BBS5: variants seen among roughly 807,000 people sequenced by gnomAD.
BBS5 encodes Bardet-Biedl syndrome 5.
In BBS5, 39 loss-of-function variants were observed where a neutral mutation model predicts 50.2. That is an observed-to-expected ratio of 0.78 (90% CI 0.60 to 1.01). The LOEUF (loss-of-function observed/expected upper bound fraction) is 1.01. Ranked by LOEUF, BBS5 falls within the 50% of genes least tolerant of loss-of-function variation. BBS5 has a pLI of 0.00. For missense variants in BBS5, 356 were observed against 401.5 expected (o/e 0.89, Z 0.97); for synonymous variants, 134 against 133.1 (o/e 1.01, Z -0.05).
intron 7 of BBS5, among the ~76,000 whole-genome samples, chr2:169,494,372 G>T (rs774836370): frequency 1.3e-3 from 191 of 152,220 alleles, no homozygotes; most frequent in Non-Finnish European, 1.9e-3. Context: ...TTAGTGAAAG[G>T]AATCAAGATG....
Position 169,495,428 on chromosome 2 carries a change from G to A in BBS5, c.618+1592G>A, listed in dbSNP as rs73971620. On this transcript the variant is annotated intron_variant, in intron 7 of 11. Transcript: ENST00000295240. ...TAAGAATAGAGTTGTCAAATATGGC[G>A]TCTGGAATTAATTCAAGTGGCCCAA... Among the ~76,000 whole-genome samples the A allele has an allele frequency of 5.4e-4, 82 of 152,248 alleles. No individual in the cohort carries two copies. The East Asian group carries it at 0.014, about 26-fold the overall frequency.
intron 2 of BBS5, among the ~76,000 whole-genome samples, chr2:169,483,699 T>C (rs2105292426): frequency 6.6e-6 from 1 of 152,296 alleles, no homozygotes; most frequent in South Asian, 2.1e-4. Flanking sequence ...GCCTGCTGCC[T>C]ACTTGCCACC....
At chr2:169,499,397 A>G in intron 8 of BBS5, 89 bp from the exon 9 acceptor site, 1 of 1,351,594 alleles carries the variant, frequency 7.4e-7, no homozygotes, top group Admixed American at 2.1e-5. Flanking sequence ...GCTCTAAAAT[A>G]AGGACAAATT....
chr2:169,482,186 C>T, intron 1 of BBS5, 65 bp from the exon 2 acceptor site: 4 of 984,916 alleles, frequency 4.1e-6, no homozygotes, highest in East Asian at 2.4e-5. Context: ...TCTCTTTTCT[C>T]CCTAAATAGA....
chr2:169,481,676 T>G (rs1393292100), intron 1 of BBS5, among the ~76,000 whole-genome samples: 2 of 152,182 alleles, frequency 1.3e-5, no homozygotes, highest in African/African-American at 4.8e-5. Flanking sequence ...AAGCTGCTCT[T>G]ATTTCCTTTT....
Position 169,480,670 on chromosome 2 carries a change from C to CTTTTTTTTTTTTTTTTTTTTTTTTTTTT in BBS5, c.59+1059_59+1086dup, listed in dbSNP as rs577688589. ...ACTTTCTATGACATTTTCTGTCATT[C>CTTTTTTTTTTTTTTTTTTTTTTTTTTTT]TTTTTTTTTTTTTTTTTTTTTTTTT... On this transcript the variant is annotated intron_variant, in intron 1 of 11. Transcript: ENST00000295240. Among the ~76,000 whole-genome samples, 2 of 73,168 alleles carry CTTTTTTTTTTTTTTTTTTTTTTTTTTTT rather than the reference C, an allele frequency of 2.7e-5. 1 individual carries two copies. Among genetic ancestry groups the CTTTTTTTTTTTTTTTTTTTTTTTTTTTT allele is most frequent in the Non-Finnish European group, 4.8e-5 (2 of 41,404 alleles). 48.0% of individuals were successfully genotyped at this position (73,168 alleles called of 152,430 possible). A position where few individuals can be genotyped will look rare whatever the true frequency, so the allele number is the denominator to read the frequency against.
chr2:169,487,776 C>T, intron 3 of BBS5, 30 bp from the exon 4 acceptor site: 1 of 1,548,824 alleles, frequency 6.5e-7, no homozygotes, highest in Non-Finnish European at 8.9e-7. Context: ...CCATATCATG[C>T]TCTTTACATT....
chr2:169,493,707 G>T lies in BBS5; in HGVS notation c.523-34G>T, dbSNP rs1426181666. The T allele has an allele frequency of 2.1e-6, 3 of 1,412,936 alleles. No individual in the cohort carries two copies. The African/African-American group carries it at 4.2e-5, about 20-fold the overall frequency. 87.5% of individuals were successfully genotyped at this position (1,412,936 alleles called of 1,614,324 possible). A position where few individuals can be genotyped will look rare whatever the true frequency, so the allele number is the denominator to read the frequency against. ...AATAAAGAATAGGTACCAAAAAAAT[G>T]ATCATTTCGGTATCTCATTACTGTT... On this transcript the variant is annotated intron_variant, in intron 6 of 11. Transcript: ENST00000295240.
chr2:169,498,448 A>G (rs1172509542), intron 8 of BBS5, among the ~76,000 whole-genome samples: 1 of 152,194 alleles, frequency 6.6e-6, no homozygotes, highest in Non-Finnish European at 1.5e-5. Context: ...GAACTATACC[A>G]AATGTCATAT....
Position 169,506,630 on chromosome 2 carries a change from T to C in BBS5, c.*2048T>C, listed in dbSNP as rs1179463573. The C allele has an allele frequency of 6.6e-6, 1 of 152,214 alleles. No individual in the cohort carries two copies. The highest frequency in any genetic ancestry group is 1.5e-5 in the Non-Finnish European group (1 of 68,064). 9.4% of individuals were successfully genotyped at this position (152,214 alleles called of 1,614,324 possible). A position where few individuals can be genotyped will look rare whatever the true frequency, so the allele number is the denominator to read the frequency against. On this transcript the variant is annotated 3_prime_UTR_variant, in exon 12 of 12. Coordinates refer to ENST00000295240, the MANE Select transcript of BBS5 (RefSeq NM_152384.3). Reference sequence around the variant, plus strand: ...CATTAAGTGACTGTATCATGTTCGGTTTAATAAAGAATTTATGCAGCACCA... The same window carrying C: ...CATTAAGTGACTGTATCATGTTCGGCTTAATAAAGAATTTATGCAGCACCA...
At position 169,492,943 on chromosome 2, in the gene BBS5, A is replaced by G; in HGVS notation, c.456A>G (p.Leu152=). The change falls in exon 6 of 12, where the codon CTA becomes CTG. Residue 152 remains leucine, a synonymous_variant. Transcript: ENST00000295240. ...LRSALIQNKQ[L]RLLPQEHVYD... is the part of the protein sequence containing the mutation. ...GTGCACTAATTCAGAACAAGCAACT[A>G]AGACTGTTGCCACAAGAACATGTAT... is the stretch of plus-strand genomic sequence containing the variant. 1 of 1,612,660 alleles carries G rather than the reference A, an allele frequency of 6.2e-7. No individual in the cohort carries two copies. The highest frequency in any genetic ancestry group is 8.5e-7 in the Non-Finnish European group (1 of 1,178,806).
chr2:169,479,751 C>A, intron 1 of BBS5, 139 bp downstream of exon 1: 1 of 936,578 alleles, frequency 1.1e-6, no homozygotes, highest in East Asian at 2.6e-5. Flanking sequence ...GTCGTCCGCG[C>A]CTCGAGAGAC....
At chr2:169,484,314 T>C (rs1683454973) in intron 2 of BBS5, among the ~76,000 whole-genome samples, 1 of 152,042 alleles carries the variant, frequency 6.6e-6, no homozygotes, top group South Asian at 2.1e-4. Flanking sequence ...GCCCAGAAGG[T>C]TGAGGCTTCA....
chr2:169,505,826 T>TG lies in BBS5; in HGVS notation c.*1251dup, dbSNP rs541406715. The TG allele has an allele frequency of 0.12, 18,152 of 155,658 alleles. 1,137 individuals carry two copies. Among genetic ancestry groups the TG allele is most frequent in the Middle Eastern group, 0.18 (55 of 304 alleles). The allele number at this position is 155,658 out of a possible 1,614,324, so 9.6% of individuals were successfully genotyped here. On this transcript the variant is annotated 3_prime_UTR_variant, in exon 12 of 12. Coordinates refer to ENST00000295240, the MANE Select transcript of BBS5 (RefSeq NM_152384.3). ...GCAGCCACCCAGTCCGGGAGGGAGG[T>TG]GGGGGGGTCAGTCCCCCGTCCGGCC...
At chr2:169,491,539 T>C (rs1231299691) in intron 5 of BBS5, among the ~76,000 whole-genome samples, 1 of 152,248 alleles carries the variant, frequency 6.6e-6, no homozygotes, top group Non-Finnish European at 1.5e-5. Flanking sequence ...CTGTTTTATA[T>C]GAAATATTAA....
chr2:169,494,587 A>T (rs1441283424), intron 7 of BBS5, among the ~76,000 whole-genome samples: 1 of 151,992 alleles, frequency 6.6e-6, no homozygotes, highest in Non-Finnish European at 1.5e-5. Context: ...AATTCAAAAT[A>T]AGAACTGACT....
Position 169,505,281 on chromosome 2 carries a change from C to T in BBS5, c.*699C>T, listed in dbSNP as rs1389795376. 4.9e-6 allele frequency: 2 copies of T among 404,592 alleles called. No individual in the cohort carries two copies. Among genetic ancestry groups the T allele is most frequent in the Non-Finnish European group, 9.4e-6 (2 of 213,574 alleles). 25.1% of individuals were successfully genotyped at this position (404,592 alleles called of 1,614,324 possible). On this transcript the variant is annotated 3_prime_UTR_variant, in exon 12 of 12. Transcript: ENST00000295240. The stretch of plus-strand genomic sequence containing the variant: ...GCTCAATGGTGCCCAGGCTGGAGTG[C>T]AGTGGCGTGATCTCCGCTCGCTACA...
chr2:169,483,906 C>A (rs138185311), intron 2 of BBS5, among the ~76,000 whole-genome samples: 1 of 152,128 alleles, frequency 6.6e-6, no homozygotes, highest in African/African-American at 2.4e-5. Flanking sequence ...TGTATCTTGA[C>A]GAACTCAGAA....
chr2:169,494,426 T>A (rs1433594473), intron 7 of BBS5, among the ~76,000 whole-genome samples: 1 of 152,122 alleles, frequency 6.6e-6, no homozygotes, highest in Non-Finnish European at 1.5e-5. Flanking sequence ...ATTAAAACTG[T>A]TAAAATCAGG....
Sources: gnomAD v4.1 joint callset for allele counts (sites outside exome capture counted in the v4.1 genomes callset) on GRCh38, gnomAD v4.1.1 for gene constraint, MANE v1.5 for transcripts, NCBI Gene and HGNC (gene_info 2026-07-23, HGNC 2026-07-21) for gene names.